EEPD1: variants seen among roughly 807,000 people sequenced by gnomAD.
EEPD1 encodes the protein endonuclease/exonuclease/phosphatase family domain containing 1, also known as endonuclease/exonuclease/phosphatase family domain-containing protein 1.
Under a neutral mutation model 46.3 loss-of-function variants are expected in EEPD1, and 17 were observed. That is an observed-to-expected ratio of 0.37 (90% CI 0.25 to 0.55). The LOEUF (loss-of-function observed/expected upper bound fraction) is 0.55, where lower values mean the gene tolerates loss of function less well. EEPD1 is among the 20% of genes least tolerant of loss of function. EEPD1 has a pLI of 0.83. For missense variants in EEPD1, 673 were observed against 745.6 expected (o/e 0.90, Z 1.13); for synonymous variants, 313 against 315.6 (o/e 0.99, Z 0.09).
intron 2 of EEPD1, among the ~76,000 whole-genome samples, chr7:36,180,123 T>G (rs984820345): frequency 6.6e-6 from 1 of 152,222 alleles, no homozygotes; most frequent in Non-Finnish European, 1.5e-5. Flanking sequence ...AAGAAGACTC[T>G]TTCCACCAAA....
At chr7:36,289,321 G>A (rs115077177) in intron 6 of EEPD1, among the ~76,000 whole-genome samples, 1 of 152,062 alleles carries the variant, frequency 6.6e-6, no homozygotes, top group Non-Finnish European at 1.5e-5. Flanking sequence ...CCCATTCAAC[G>A]ATATCTCCCC....
At chr7:36,267,218 C>T (rs1182488854) in intron 3 of EEPD1, among the ~76,000 whole-genome samples, 1 of 152,222 alleles carries the variant, frequency 6.6e-6, no homozygotes, top group African/African-American at 2.4e-5. Flanking sequence ...TACTCTATAC[C>T]ATAGCCCCAT....
chr7:36,291,174 G>A (rs1787424165), intron 6 of EEPD1, among the ~76,000 whole-genome samples: 1 of 152,136 alleles, frequency 6.6e-6, no homozygotes, highest in African/African-American at 2.4e-5. Context: ...TGGGAACTTT[G>A]TTTTCTTTGA....
chr7:36,297,053 A>G lies in EEPD1; in HGVS notation c.1376A>G (p.Asp459Gly). ...FGQGPDSNDY[D>G]ILRKEKFHHL... ...CAAGGGCCAGACAGCAATGACTATG[A>G]TATCCTGAGGAAAGAAAAGTTCCAC... Residue 459 changes from aspartate to glycine, a missense_variant, in exon 7 of 8, where the codon GAT becomes GGT. Transcript: ENST00000242108. 1 of 1,614,234 alleles carries G rather than the reference A, an allele frequency of 6.2e-7. No individual in the cohort carries two copies. The highest frequency in any genetic ancestry group is 8.5e-7 in the Non-Finnish European group (1 of 1,180,034).
chr7:36,255,776 G>C (rs150054347), intron 3 of EEPD1, among the ~76,000 whole-genome samples: 9 of 152,092 alleles, frequency 5.9e-5, no homozygotes, highest in Non-Finnish European at 2.9e-5. Context: ...CAAAAAACCA[G>C]CTCCTGGATT....
chr7:36,262,360 A>C (rs1344245368), intron 3 of EEPD1, among the ~76,000 whole-genome samples: 1 of 152,208 alleles, frequency 6.6e-6, no homozygotes, highest in Non-Finnish European at 1.5e-5. Context: ...GAGGAAAAAA[A>C]AATTGTCTGA....
chr7:36,189,421 G>T (rs1168341145), intron 2 of EEPD1, among the ~76,000 whole-genome samples: 2 of 152,198 alleles, frequency 1.3e-5, no homozygotes, highest in East Asian at 3.8e-4. Flanking sequence ...ATTATTAAAT[G>T]AGCAAAAATT....
At chr7:36,208,114 C>T (rs1785854948) in intron 2 of EEPD1, among the ~76,000 whole-genome samples, 2 of 152,156 alleles carry the variant, frequency 1.3e-5, no homozygotes, top group South Asian at 4.1e-4. Context: ...GAGCTGTCTG[C>T]CTGGGCCTGG....
In EEPD1 at chr7:36,264,243, T is replaced by C. The variant is rs1272332779; in HGVS notation, c.931-16872T>C. On this transcript the variant is annotated intron_variant, in intron 3 of 7. Transcript: ENST00000242108. ...AGAGTAATCCTTCAGAAACACAAGC[T>C]TGATCCTATTACTCCTTCCTTAGAG... Among the ~76,000 whole-genome samples, 5 of 152,224 alleles carry C rather than the reference T, an allele frequency of 3.3e-5. No individual in the cohort carries two copies. In the South Asian group the frequency reaches 6.2e-4, roughly 19 times the overall value.
intron 2 of EEPD1, among the ~76,000 whole-genome samples, chr7:36,189,451 T>G (rs1785423604): frequency 6.6e-6 from 1 of 152,252 alleles, no homozygotes; most frequent in Non-Finnish European, 1.5e-5. Context: ...CATGTTAAGC[T>G]TCTTTATGTT....
At chr7:36,204,105 G>C (rs1037511993) in intron 2 of EEPD1, among the ~76,000 whole-genome samples, 4 of 150,064 alleles carry the variant, frequency 2.7e-5, no homozygotes, top group Admixed American at 2.0e-4. Context: ...CGCGATCACA[G>C]TTCACTGCAG....
At chr7:36,275,447 T>G (rs193080611) in intron 3 of EEPD1, among the ~76,000 whole-genome samples, 221 of 152,096 alleles carry the variant, frequency 1.5e-3, no homozygotes, top group Non-Finnish European at 2.4e-3. Flanking sequence ...TTATTATTAT[T>G]TTTATTTATT....
chr7:36,224,690 G>C (rs1786202365), intron 2 of EEPD1, among the ~76,000 whole-genome samples: 1 of 152,142 alleles, frequency 6.6e-6, no homozygotes, highest in Admixed American at 6.5e-5. Context: ...ATTCCATAAG[G>C]AAAGGTTTTA....
intron 3 of EEPD1, among the ~76,000 whole-genome samples, chr7:36,245,547 C>A (rs539796176): frequency 6.6e-6 from 1 of 152,050 alleles, no homozygotes; most frequent in South Asian, 2.1e-4. Context: ...GGTGGGGGCC[C>A]CTTGTGGGAT....
chr7:36,154,268 G>T lies in EEPD1; in HGVS notation c.-57G>T, dbSNP rs1461781340. On this transcript the variant is annotated 5_prime_UTR_variant, in exon 2 of 8. Coordinates refer to ENST00000242108, the MANE Select transcript of EEPD1 (RefSeq NM_030636.3). The surrounding 1 kb of genome is among the most constrained non-coding windows in gnomAD (Gnocchi z 4.2). ...TACGGCCTACTGGGCTTCCTCCCTA[G>T]CCAGAGAGCTCTTCTGCAGTGGTGC... 4.5e-6 allele frequency: 7 copies of T among 1,541,502 alleles called. No homozygotes were observed.
rs60205065 is a variant in EEPD1 at position 36,271,798 on chromosome 7, C to CCTATTCTATT, written c.931-9241_931-9232dup. Among the ~76,000 whole-genome samples, 522 of 132,418 alleles carry CCTATTCTATT rather than the reference C, an allele frequency of 3.9e-3. 7 individuals are homozygous for CCTATTCTATT. The highest frequency in any genetic ancestry group is 7.3e-3 in the African/African-American group (240 of 32,878). 86.9% of individuals were successfully genotyped at this position (132,418 alleles called of 152,430 possible). On this transcript the variant is annotated intron_variant, in intron 3 of 7. Transcript: ENST00000242108. ...TATAAGCTGTAAGGAACATAAGCCT[C>CCTATTCTATT]CTATTCTATTCTATTCTATTCTATT...
At position 36,227,278 on chromosome 7, in the gene EEPD1, T is replaced by A. The variant is rs746885145; in HGVS notation, c.879-11707T>A. ...TCATCAAAGAAGTTTCCTGCCCAGA[T>A]TGTTTTGCAGACTAATTCTTTCAAA... On this transcript the variant is annotated intron_variant, in intron 2 of 7. Transcript: ENST00000242108. Among the ~76,000 whole-genome samples the A allele has an allele frequency of 2.0e-5, 3 of 152,370 alleles. No individual in the cohort carries two copies. The South Asian group carries it at 6.2e-4, about 32-fold the overall frequency.
rs756086216 is a variant in EEPD1 at position 36,225,044 on chromosome 7, C to T, written c.879-13941C>T. 1.3e-5 allele frequency among the ~76,000 whole-genome samples: 2 copies of T among 151,582 alleles called. No homozygotes were observed. The highest frequency in any genetic ancestry group is 2.9e-5 in the Non-Finnish European group (2 of 67,886). On this transcript the variant is annotated intron_variant, in intron 2 of 7. Coordinates refer to ENST00000242108, the MANE Select transcript of EEPD1 (RefSeq NM_030636.3). This position sits in a 1 kb window ranked among gnomAD's most constrained non-coding sequence, Gnocchi z 4.2. Reference sequence around the variant, plus strand: ...AAAAACAAGGAATGCAGGCAGCCACCAGAGACAAAAAAAAAATAGGCTCTC... The same window carrying T: ...AAAAACAAGGAATGCAGGCAGCCACTAGAGACAAAAAAAAAATAGGCTCTC...
chr7:36,165,001 T>G (rs1784959528), intron 2 of EEPD1, among the ~76,000 whole-genome samples: 1 of 152,196 alleles, frequency 6.6e-6, no homozygotes, highest in Non-Finnish European at 1.5e-5. Context: ...GTTTATAAAG[T>G]CAAAATGTTA....
Sources: gnomAD v4.1 joint callset for allele counts (sites outside exome capture counted in the v4.1 genomes callset) on GRCh38, gnomAD v4.1.1 for gene constraint, Gnocchi (gnomAD v3.1) non-coding constraint, MANE v1.5 for transcripts, NCBI Gene and HGNC (gene_info 2026-07-23, HGNC 2026-07-21) for gene names.